Variants in RETREG3 observed in about 807,000 individuals in gnomAD.
RETREG3 encodes reticulophagy regulator 3.
Under a neutral mutation model 50.2 loss-of-function variants are expected in RETREG3, and 23 were observed. The ratio of observed to expected loss-of-function variants is 0.46; its 90% CI spans 0.33 to 0.65. RETREG3 has a LOEUF of 0.65. Among genes scored for constraint, RETREG3 ranks in the 30% least tolerant of loss-of-function variants. The pLI, the probability that RETREG3 is intolerant of heterozygous loss-of-function variation, is 0.02. For synonymous variants in RETREG3, 240 were observed against 234.4 expected, an observed-to-expected ratio of 1.02 and a Z score of -0.22; for missense variants, 546 against 598.0, an observed-to-expected ratio of 0.91 and a Z score of 0.91.
intron 1 of RETREG3, among the ~76,000 whole-genome samples, chr17:42,597,026 C>T (rs77790069): frequency 0.012 from 1,831 of 151,696 alleles, 41 homozygotes; most frequent in African/African-American, 0.038. Context: ...GTGCCCTCAC[C>T]ATGCCCAGCT....
intron 1 of RETREG3, among the ~76,000 whole-genome samples, chr17:42,594,377 G>A (rs12938815): frequency 0.5 from 76,571 of 151,872 alleles, 19,535 homozygotes; most frequent in South Asian, 0.64. Context: ...ACAACATGGC[G>A]AAACCCTGTC....
At chr17:42,600,418 A>G (rs1356102511) in intron 1 of RETREG3, among the ~76,000 whole-genome samples, 2 of 152,186 alleles carry the variant, frequency 1.3e-5, no homozygotes, top group African/African-American at 4.8e-5. Flanking sequence ...TGACATTTAT[A>G]AGAAAATTGG....
intron 8 of RETREG3, 34 bp from the exon 9 acceptor site, chr17:42,582,304 C>T (rs1462256278): frequency 6.4e-7 from 1 of 1,561,648 alleles, no homozygotes; most frequent in East Asian, 2.2e-5. Flanking sequence ...AGTCATGGCA[C>T]CTACCTGGCC....
Position 42,580,624 on chromosome 17 carries a change from T to A in RETREG3, c.*1189A>T, listed in dbSNP as rs1567919103. On this transcript the variant is annotated 3_prime_UTR_variant, in exon 9 of 9. Coordinates refer to ENST00000309428, the MANE Select transcript of RETREG3 (RefSeq NM_178126.4). ...GCCCATCCCCACATCATATTCACAT[T>A]TTTTAAATTTCACAAGCAATACTTT... 2.0e-5 allele frequency: 3 copies of A among 152,688 alleles called. No individual in the cohort carries two copies. The highest frequency in any genetic ancestry group is 4.4e-5 in the Non-Finnish European group (3 of 68,046). 9.5% of individuals were successfully genotyped at this position (152,688 alleles called of 1,614,324 possible).
At chr17:42,605,853 T>G (rs1444143564) in intron 1 of RETREG3, among the ~76,000 whole-genome samples, 1 of 151,870 alleles carries the variant, frequency 6.6e-6, no homozygotes, top group Non-Finnish European at 1.5e-5. Flanking sequence ...TAGCCAGACG[T>G]GATGGTGGGT....
rs758775508 is a variant in RETREG3 at position 42,586,872 on chromosome 17, G to A, written c.397C>T (p.Arg133Trp). ...DNESWGFVHP[R>W]LLSVPELCHH... ...CAGAGCTCGGGCACGCTGAGCAACC[G>A]AGGGTGCACAAAGCCCCAGCTATGG... The change falls in exon 4 of 9, where the codon CGG becomes TGG. Residue 133 changes from arginine to tryptophan, a missense_variant. Arg to Trp is a moderately radical substitution (Grantham distance 101). Transcript: ENST00000309428. 9.9e-6 allele frequency: 16 copies of A among 1,614,010 alleles called. No individual in the cohort carries two copies. The highest frequency in any genetic ancestry group is 6.7e-5 in the East Asian group (3 of 44,886).
chr17:42,608,918 G>A (rs1227074863), intron 1 of RETREG3, 168 bp downstream of exon 1: 3 of 649,616 alleles, frequency 4.6e-6, no homozygotes, highest in Non-Finnish European at 5.2e-6. Context: ...GGAAGAACTA[G>A]GGTGCCGAAG....
chr17:42,608,889 A>AGATGGGTG, intron 1 of RETREG3, 197 bp downstream of exon 1: 2 of 590,330 alleles, frequency 3.4e-6, no homozygotes, highest in Middle Eastern at 8.0e-4. Context: ...AAGGCAGAGA[A>AGATGGGTG]GATGGGTGGA....
rs562786544 is a variant in RETREG3, at chr17:42,603,691, T to C, written c.239+5395A>G. On this transcript the variant is annotated intron_variant, in intron 1 of 8. Transcript: ENST00000309428. ...TCAACAGATTTCATTAGAAATCTGA[T>C]GTGTAGCCGGGCGCGGTGGCTCACG... Among the ~76,000 whole-genome samples the C allele has an allele frequency of 3.5e-4, 54 of 152,300 alleles. 1 individual carries two copies. In the South Asian group the frequency reaches 0.011, roughly 30 times the overall value.
At chr17:42,592,287 C>T (rs1251119386) in intron 1 of RETREG3, 125 bp from the exon 2 acceptor site, 4 of 681,812 alleles carry the variant, frequency 5.9e-6, no homozygotes, top group Non-Finnish European at 9.8e-6. Context: ...TGTTCTGACA[C>T]TTAACTAGTT....
At chr17:42,585,635 G>A (rs1401458616) in intron 5 of RETREG3, among the ~76,000 whole-genome samples, 3 of 152,198 alleles carry the variant, frequency 2.0e-5, no homozygotes, top group African/African-American at 4.8e-5. Flanking sequence ...AGCAAGCTGA[G>A]TACATGCCAA....
chr17:42,588,971 TAAAA>T (rs1489469438), intron 2 of RETREG3, among the ~76,000 whole-genome samples: 1 of 152,066 alleles, frequency 6.6e-6, no homozygotes, highest in Non-Finnish European at 1.5e-5. Context: ...CTGTTCTCTT[TAAAA>T]AGAGACCCAG....
At position 42,609,275 on chromosome 17, in the gene RETREG3, G is replaced by A; in HGVS notation, c.50C>T (p.Ser17Leu). The change falls in exon 1 of 9, where the codon TCG becomes TTG. Residue 17 changes from serine to leucine, a missense_variant. Physicochemically the swap from Ser to Leu is moderately radical, Grantham distance 145. Coordinates refer to ENST00000309428, the MANE Select transcript of RETREG3 (RefSeq NM_178126.4). ...VPTTPGPASG[S>L]TFRGRRDVSG... ...CACATCTCGGCGGCCCCTGAAAGTCGACCCCGAAGCCGGGCCTGGGGTCGT... is the reference window on the plus strand; with the variant it reads ...CACATCTCGGCGGCCCCTGAAAGTCAACCCCGAAGCCGGGCCTGGGGTCGT... The A allele has an allele frequency of 1.5e-5, 24 of 1,604,730 alleles. No homozygotes were observed. Among genetic ancestry groups the A allele is most frequent in the Non-Finnish European group, 1.9e-5 (23 of 1,179,752 alleles).
chr17:42,582,811 G>A lies in RETREG3; in HGVS notation c.811-5C>T. Reference sequence around the variant, plus strand: ...GGCAACAGTAGAATCGTCCAGCTTAGGAAAAGACCAACAAATGTGAGATAA... The same window carrying A: ...GGCAACAGTAGAATCGTCCAGCTTAAGAAAAGACCAACAAATGTGAGATAA... On this transcript the variant is annotated splice_region_variant and splice_polypyrimidine_tract_variant and intron_variant, in intron 7 of 8. Transcript: ENST00000309428. 6.2e-7 allele frequency: 1 copy of A among 1,614,156 alleles called. No individual in the cohort carries two copies.
At chr17:42,582,953 A>C in intron 7 of RETREG3, 147 bp from the exon 8 acceptor site, 4 of 1,026,852 alleles carry the variant, frequency 3.9e-6, no homozygotes, top group South Asian at 1.8e-5. Flanking sequence ...CCCGTTGAAA[A>C]CTCCCTCTCC....
At chr17:42,587,413 A>G (rs1458832995) in intron 3 of RETREG3, among the ~76,000 whole-genome samples, 3 of 152,362 alleles carry the variant, frequency 2.0e-5, no homozygotes, top group African/African-American at 7.2e-5. Flanking sequence ...ACACAAGAGG[A>G]ATCTTTGGCT....
At position 42,587,864 on chromosome 17, in the gene RETREG3, A is replaced by C. The variant is rs764554335; in HGVS notation, c.347T>G (p.Val116Gly). 2 of 1,614,204 alleles carry C rather than the reference A, an allele frequency of 1.2e-6. No individual in the cohort carries two copies. Among genetic ancestry groups the C allele is most frequent in the South Asian group, 2.2e-5 (2 of 91,082 alleles). Reference protein sequence around the residue: ...WKNKIWPEIKVPRPDALDNES... With the variant: ...WKNKIWPEIKGPRPDALDNES... ...ATTGTCTAATGCGTCGGGTCTTGGCACTACAATATTAAAACAAACACCAGC... is the reference window on the plus strand; with the variant it reads ...ATTGTCTAATGCGTCGGGTCTTGGCCCTACAATATTAAAACAAACACCAGC... The change falls in exon 3 of 9, where the codon GTG becomes GGG. Residue 116 changes from valine (V) to glycine (G), a missense_variant and splice_region_variant. Val to Gly is a moderately radical substitution (Grantham distance 109). Transcript: ENST00000309428.
At chr17:42,588,370 T>C (rs2143384546) in intron 2 of RETREG3, among the ~76,000 whole-genome samples, 2 of 151,254 alleles carry the variant, frequency 1.3e-5, no homozygotes, top group East Asian at 2.0e-4. Flanking sequence ...CTCAGCCTCC[T>C]GAGTAGCTGG....
At position 42,609,348 on chromosome 17, in the gene RETREG3, C is replaced by T. The variant is rs1374988434; in HGVS notation, c.-24G>A. The T allele has an allele frequency of 2.5e-6, 4 of 1,585,268 alleles. No individual in the cohort carries two copies. Among genetic ancestry groups the T allele is most frequent in the South Asian group, 1.1e-5 (1 of 90,022 alleles). ...ATCTCCCCGCGGCAGCCACAACATC[C>T]GGGGCCGTGGCCCGACAAGTCACAA... is the stretch of plus-strand genomic sequence containing the variant. On this transcript the variant is annotated 5_prime_UTR_variant, in exon 1 of 9. Transcript: ENST00000309428.
Sources: gnomAD v4.1 joint callset for allele counts (sites outside exome capture counted in the v4.1 genomes callset) on GRCh38, gnomAD v4.1.1 for gene constraint, MANE v1.5 for transcripts, NCBI Gene and HGNC (gene_info 2026-07-23, HGNC 2026-07-21) for gene names.